UBE3A: variants seen among roughly 807,000 people sequenced by gnomAD.
The protein encoded by UBE3A is ubiquitin protein ligase E3A.
UBE3A carries 6 observed loss-of-function variants against 83.4 expected under a neutral mutation model. That is an observed-to-expected ratio of 0.07 (90% CI 0.04 to 0.14). UBE3A has a LOEUF of 0.14. UBE3A is among the 10% of genes least tolerant of loss of function. The pLI is 1.00. For synonymous variants in UBE3A, 337 were observed against 355.4 expected, an observed-to-expected ratio of 0.95 and a Z score of 0.58; for missense variants, 456 against 1,036.1, an observed-to-expected ratio of 0.44 and a Z score of 7.69.
At chr15:25,368,584 A>G (rs1340882386) in intron 6 of UBE3A, among the ~76,000 whole-genome samples, 1 of 152,086 alleles carries the variant, frequency 6.6e-6, no homozygotes, top group African/African-American at 2.4e-5. Flanking sequence ...TCAAGTACAT[A>G]TACTATCTAG....
chr15:25,360,666 T>C (rs2077916861), intron 6 of UBE3A, 139 bp from the exon 7 acceptor site: 1 of 921,762 alleles, frequency 1.1e-6, no homozygotes, highest in East Asian at 2.6e-5. Flanking sequence ...GAAAGCAAAC[T>C]GATAAAAAGC....
chr15:25,389,988 A>C (rs1021044262), intron 4 of UBE3A, among the ~76,000 whole-genome samples: 3 of 152,154 alleles, frequency 2.0e-5, no homozygotes, highest in Non-Finnish European at 4.4e-5. Flanking sequence ...ATTGGCCAAC[A>C]ACCTTAACAG....
chr15:25,355,776 A>T, intron 9 of UBE3A, 116 bp downstream of exon 9: 1 of 1,037,948 alleles, frequency 9.6e-7, no homozygotes, highest in Non-Finnish European at 1.4e-6. Flanking sequence ...ACATAAACTT[A>T]GTTACTTGTT....
chr15:25,438,159 C>G (rs538295394), intron 1 of UBE3A: 1 of 152,388 alleles, frequency 6.6e-6, no homozygotes, highest in African/African-American at 2.4e-5. Context: ...TGTCTGGGGC[C>G]CCGGCTGGCT....
intron 4 of UBE3A, among the ~76,000 whole-genome samples, chr15:25,398,386 GTACAATAGA>G (rs1407631736): frequency 4.0e-5 from 6 of 151,872 alleles, no homozygotes; most frequent in African/African-American, 9.7e-5. Flanking sequence ...TTTCCATGTT[GTACAATAGA>G]TACCTTGAAC....
In UBE3A at chr15:25,377,878, CACTA is replaced by C. The variant is rs1345953719; in HGVS notation, c.63-2119_63-2116del. 5.9e-5 allele frequency among the ~76,000 whole-genome samples: 9 copies of C among 152,236 alleles called. No individual in the cohort carries two copies. In the South Asian group the frequency reaches 1.2e-3, roughly 21 times the overall value. ...GAACTGCCTAGTCTTCCTGATATAT[CACTA>C]ACTGACAAAAGTCAGTTAAAAAGTA... On this transcript the variant is annotated intron_variant, in intron 4 of 12. Transcript: ENST00000648336.
intron 1 of UBE3A, among the ~76,000 whole-genome samples, chr15:25,431,536 T>A (rs1033129388): frequency 2.0e-5 from 3 of 151,994 alleles, no homozygotes; most frequent in African/African-American, 7.3e-5. Context: ...AGAGACAGGG[T>A]TTCACCATGT....
chr15:25,364,669 AGTCTCGCTCT>A (rs1337398487), intron 6 of UBE3A, among the ~76,000 whole-genome samples: 4 of 131,802 alleles, frequency 3.0e-5, no homozygotes, highest in African/African-American at 1.2e-4. Context: ...TTTGAGACGG[AGTCTCGCTCT>A]GTCGCCCAGG....
chr15:25,435,297 A>C (rs1373067473), intron 1 of UBE3A, among the ~76,000 whole-genome samples: 1 of 152,174 alleles, frequency 6.6e-6, no homozygotes, highest in Non-Finnish European at 1.5e-5. Flanking sequence ...GCATTCAAAA[A>C]AGACAGACAT....
At chr15:25,361,232 TCTC>T (rs1273722133) in intron 6 of UBE3A, among the ~76,000 whole-genome samples, 1 of 151,646 alleles carries the variant, frequency 6.6e-6, no homozygotes, top group African/African-American at 2.4e-5. Context: ...TTCAAGCAAT[TCTC>T]CTGCCTCAGC....
intron 1 of UBE3A, chr15:25,418,033 A>G (rs1359716504): frequency 6.6e-6 from 1 of 152,164 alleles, no homozygotes; most frequent in Non-Finnish European, 1.5e-5. Context: ...ACTAGGATAC[A>G]TGGTATAGCC....
chr15:25,347,152 A>C (rs2075811961), intron 11 of UBE3A: 1 of 152,220 alleles, frequency 6.6e-6, no homozygotes, highest in Non-Finnish European at 1.5e-5. Flanking sequence ...AAAATAATGG[A>C]AATAGCAGAA....
At chr15:25,408,228 CAT>C (rs1443279008) in intron 3 of UBE3A, 7 of 213,180 alleles carry the variant, frequency 3.3e-5, no homozygotes, top group African/African-American at 1.6e-4. Context: ...TGGAAACAAA[CAT>C]AAACTATGAA....
intron 4 of UBE3A, among the ~76,000 whole-genome samples, chr15:25,395,561 A>G (rs1238725056): frequency 1.3e-5 from 2 of 152,182 alleles, no homozygotes; most frequent in East Asian, 1.9e-4. Context: ...ACAGGAGGGG[A>G]AAAAAGCTGT....
chr15:25,385,785 T>G (rs923235282), intron 4 of UBE3A, among the ~76,000 whole-genome samples: 1 of 151,948 alleles, frequency 6.6e-6, no homozygotes. Flanking sequence ...AATCCTGAAG[T>G]GTAATAGACA....
intron 4 of UBE3A, among the ~76,000 whole-genome samples, chr15:25,397,392 AT>A (rs1263348921): frequency 6.6e-6 from 1 of 152,136 alleles, no homozygotes; most frequent in Non-Finnish European, 1.5e-5. Flanking sequence ...TTACTACCAA[AT>A]GCAAGCTTCA....
intron 6 of UBE3A, among the ~76,000 whole-genome samples, chr15:25,363,315 AAAGTTAGTGCTTAAAAGTACTAG>A (rs1359697606): frequency 4.3e-4 from 66 of 152,344 alleles, no homozygotes; most frequent in African/African-American, 1.4e-3. Context: ...TTCCCTGCAT[AAAGTTAGTGCTTAAAAGTACTAG>A]CTGTTGTTGC....
At chr15:25,372,296 A>G (rs1056126380) in intron 5 of UBE3A, among the ~76,000 whole-genome samples, 1 of 152,160 alleles carries the variant, frequency 6.6e-6, no homozygotes, top group Non-Finnish European at 1.5e-5. Flanking sequence ...TTCAGCATCT[A>G]TGTATGTATT....
intron 4 of UBE3A, among the ~76,000 whole-genome samples, chr15:25,376,990 G>C (rs1288375598): frequency 1.3e-5 from 2 of 152,126 alleles, no homozygotes; most frequent in East Asian, 3.8e-4. Flanking sequence ...TGGATCCAAA[G>C]AAACATAAGT....
Sources: allele counts gnomAD v4.1 joint callset (sites outside exome capture counted in the v4.1 genomes callset), GRCh38; gene constraint gnomAD v4.1.1; transcripts MANE v1.5; gene names NCBI Gene and HGNC (gene_info 2026-07-23, HGNC 2026-07-21).